The following EP400 variants were observed in gnomAD, a reference collection of about 807,000 sequenced individuals.
EP400 encodes E1A binding protein p400.
Under a neutral mutation model 354.1 loss-of-function variants are expected in EP400, and 105 were observed. The observed-to-expected ratio is 0.30, with a 90% CI of 0.25 to 0.35. The LOEUF is 0.35. Among genes scored for constraint, EP400 ranks in the 10% least tolerant of loss-of-function variants. EP400 has a pLI of 1.00. For missense variants in EP400, 3,280 were observed against 4,121.0 expected (o/e 0.80, Z 5.59); for synonymous variants, 1,646 against 1,716.9 (o/e 0.96, Z 1.02).
Position 132,029,543 on chromosome 12 carries a change from C to G in EP400, c.5382-158C>G. The G allele has an allele frequency of 4.0e-6, 3 of 758,786 alleles. No homozygotes were observed. Among genetic ancestry groups the G allele is most frequent in the Non-Finnish European group, 4.2e-6 (2 of 470,772 alleles). 47.0% of individuals were successfully genotyped at this position (758,786 alleles called of 1,614,324 possible). ...TAGGATCTGCCTCGTTGGGCCCCTG[C>G]CCGTGTGCCAACACCCACATCCCCA... On this transcript the variant is annotated intron_variant, in intron 27 of 52. Coordinates refer to ENST00000389561, the MANE Select transcript of EP400 (RefSeq NM_015409.5). This position sits in a 1 kb window ranked among gnomAD's most constrained non-coding sequence, Gnocchi z 4.7.
rs145228688 is a variant in EP400, at chr12:132,052,571, C to T, written c.7395-575C>T. Among the ~76,000 whole-genome samples the T allele has an allele frequency of 2.0e-5, 3 of 152,376 alleles. No homozygotes were observed. Among genetic ancestry groups the T allele is most frequent in the South Asian group, 4.1e-4 (2 of 4,834 alleles). Reference sequence around the variant, plus strand: ...CCAGTACGTCTTCAGACCCACTGCACATTTTACCTGTTTGTCGTCTGATGT... The same window carrying T: ...CCAGTACGTCTTCAGACCCACTGCATATTTTACCTGTTTGTCGTCTGATGT... On this transcript the variant is annotated intron_variant, in intron 41 of 52. Transcript: ENST00000389561. The surrounding 1 kb of genome is among the most constrained non-coding windows in gnomAD (Gnocchi z 4.4).
At chr12:132,024,839 C>T (rs1894247666) in intron 24 of EP400, among the ~76,000 whole-genome samples, 1 of 151,640 alleles carries the variant, frequency 6.6e-6, no homozygotes, top group Admixed American at 6.6e-5. Flanking sequence ...GGCACCTTCC[C>T]CCACCTTCCC....
At chr12:132,066,675 G>A in intron 48 of EP400, 99 bp from the exon 49 acceptor site, 1 of 1,282,818 alleles carries the variant, frequency 7.8e-7, no homozygotes, top group Non-Finnish European at 1.1e-6. Context: ...GTTGATCTTT[G>A]TAAATTTTCT....
At chr12:131,967,525 T>C (rs1892143122) in intron 2 of EP400, among the ~76,000 whole-genome samples, 1 of 150,680 alleles carries the variant, frequency 6.6e-6, no homozygotes. Context: ...CCATCTCTAC[T>C]TAAAAAAAAA....
chr12:132,069,721 G>A lies in EP400; in HGVS notation c.9021+80G>A, dbSNP rs1593389469. The A allele has an allele frequency of 1.0e-5, 16 of 1,575,036 alleles. No homozygotes were observed. In the East Asian group the frequency reaches 2.0e-4, roughly 20 times the overall value. ...GGATTGTGTGTCTCGCGGGCTTTGC[G>A]AGCTCCCAGCCCTTGCGGCTGCACT... On this transcript the variant is annotated intron_variant, in intron 51 of 52. Transcript: ENST00000389561.
At chr12:132,058,783 A>G (rs1020248966) in intron 45 of EP400, among the ~76,000 whole-genome samples, 3 of 144,138 alleles carry the variant, frequency 2.1e-5, no homozygotes, top group African/African-American at 8.0e-5. Context: ...GAGAAAAACG[A>G]TTTCTTCCTT....
rs763675259 is a variant in EP400, at chr12:132,021,029, T to C, written c.4448-50T>C. 6 of 1,506,036 alleles carry C rather than the reference T, an allele frequency of 4.0e-6. No homozygotes were observed. The East Asian group carries it at 1.4e-4, about 36-fold the overall frequency. 93.3% of individuals were successfully genotyped at this position (1,506,036 alleles called of 1,614,324 possible). A position where few individuals can be genotyped will look rare whatever the true frequency, so the allele number is the denominator to read the frequency against. On this transcript the variant is annotated intron_variant, in intron 22 of 52. Transcript: ENST00000389561. ...AAAATTCAGTTTAAAATATTGTATT[T>C]TATTAAGAACCTCTAACAGCTTTGC...
At position 132,077,436 on chromosome 12, in the gene EP400, G is replaced by A. The variant is rs531958361; in HGVS notation, c.9135G>A (p.Thr3045=). 7.9e-5 allele frequency: 128 copies of A among 1,612,786 alleles called. No individual in the cohort carries two copies. In the East Asian group the frequency reaches 1.3e-3, roughly 16 times the overall value. ...AGACTGTGGCGCTCACGCAGGCGAC[G>A]GCGGCCGGGCAGCAGGTGCAGATGA... is the stretch of plus-strand genomic sequence containing the variant. ...SPQTVALTQA[T]AAGQQVQMIP... Residue 3045 remains threonine (T), a synonymous_variant, in exon 53 of 53, where the codon ACG becomes ACA. Coordinates refer to ENST00000389561, the MANE Select transcript of EP400 (RefSeq NM_015409.5).
intron 6 of EP400, 99 bp from the exon 7 acceptor site, chr12:131,987,604 CTG>C (rs1364475293): frequency 2.0e-6 from 2 of 998,036 alleles, no homozygotes; most frequent in East Asian, 5.4e-5. Context: ...TAGTGCCTGA[CTG>C]AGCCTTTTGC....
At position 132,020,238 on chromosome 12, in the gene EP400, C is replaced by G. The variant is rs1894080954; in HGVS notation, c.4447+20C>G. 2 of 1,578,552 alleles carry G rather than the reference C, an allele frequency of 1.3e-6. No homozygotes were observed. Among genetic ancestry groups the G allele is most frequent in the African/African-American group, 2.7e-5 (2 of 73,642 alleles). Reference sequence around the variant, plus strand: ...CAAAAGGTAGACTTCACGTAGTTGTCTGCTCTCCGCCTTATGGAGGTTTTT... The same window carrying G: ...CAAAAGGTAGACTTCACGTAGTTGTGTGCTCTCCGCCTTATGGAGGTTTTT... On this transcript the variant is annotated intron_variant, in intron 22 of 52. Transcript: ENST00000389561.
chr12:132,065,145 AG>A, intron 48 of EP400: 1 of 633,526 alleles, frequency 1.6e-6, no homozygotes, highest in East Asian at 2.9e-5. Flanking sequence ...AGAGTGAGCG[AG>A]GTGAGATGCA....
chr12:132,021,892 G>A (rs1030087604), intron 23 of EP400, among the ~76,000 whole-genome samples: 2 of 152,084 alleles, frequency 1.3e-5, no homozygotes, highest in African/African-American at 4.8e-5. Context: ...GTGTCCAGTG[G>A]GATTAGTATG....
chr12:132,044,598 A>C, intron 35 of EP400, 73 bp from the exon 36 acceptor site: 1 of 1,556,604 alleles, frequency 6.4e-7, no homozygotes, highest in African/African-American at 1.4e-5. Flanking sequence ...ATGAGTATGA[A>C]GGTACATGAT....
rs1894345224 is a variant in EP400, at chr12:132,027,460, G to A, written c.5038G>A (p.Val1680Met). Reference protein sequence around the residue: ...PQVGVPGRVAVNALAVGEPGT... With the variant: ...PQVGVPGRVAMNALAVGEPGT... ...AGTTGGCGTTCCGGGCCGCGTGGCG[G>A]TGAATGCCTTGGCTGTAGGAGAACC... The change falls in exon 26 of 53, where the codon GTG becomes ATG. Residue 1680 changes from valine (V) to methionine (M), a missense_variant. Around this residue, in one of 20 missense-constraint regions of EP400, gnomAD observed 459 missense variants for 496.9 expected, o/e 0.92. Coordinates refer to ENST00000389561, the MANE Select transcript of EP400 (RefSeq NM_015409.5). This position sits in a 1 kb window ranked among gnomAD's most constrained non-coding sequence, Gnocchi z 4.9. 2 of 1,613,984 alleles carry A rather than the reference G, an allele frequency of 1.2e-6. No individual in the cohort carries two copies. The highest frequency in any genetic ancestry group is 3.3e-5 in the Admixed American group (2 of 60,008).
At chr12:131,986,836 G>A (rs371170798) in intron 6 of EP400, 29 bp downstream of exon 6, 13 of 1,570,420 alleles carry the variant, frequency 8.3e-6, no homozygotes, top group East Asian at 2.3e-5. Context: ...GTTGTAAAAT[G>A]TACTCCAGTT....
intron 32 of EP400, among the ~76,000 whole-genome samples, chr12:132,039,083 C>T (rs1894809532): frequency 1.3e-5 from 2 of 152,100 alleles, no homozygotes; most frequent in South Asian, 4.2e-4. Flanking sequence ...ATTGAGCCTC[C>T]CAGCCTCATG....
rs902398531 is a variant in EP400 at position 131,994,734 on chromosome 12, G to C, written c.2738-133G>C. The C allele has an allele frequency of 1.5e-6, 1 of 645,688 alleles. No homozygotes were observed. Among genetic ancestry groups the C allele is most frequent in the African/African-American group, 1.9e-5 (1 of 53,322 alleles). 40.0% of individuals were successfully genotyped at this position (645,688 alleles called of 1,614,324 possible). ...CTGCCCATTTAATTAAATTTAACCT[G>C]AGAAGTTTAAAAGCTCAGTTTCAAT... On this transcript the variant is annotated intron_variant, in intron 11 of 52. Transcript: ENST00000389561. The surrounding 1 kb of genome is among the most constrained non-coding windows in gnomAD (Gnocchi z 4.6).
chr12:132,005,316 C>T (rs1893545367), intron 13 of EP400, 132 bp downstream of exon 13: 2 of 565,166 alleles, frequency 3.5e-6, no homozygotes, highest in East Asian at 6.5e-5. Flanking sequence ...TAATAAGTAT[C>T]TTTATATTGA....
chr12:132,048,413 C>G (rs914511861), intron 39 of EP400, among the ~76,000 whole-genome samples: 3 of 152,156 alleles, frequency 2.0e-5, no homozygotes, highest in African/African-American at 7.2e-5. Flanking sequence ...GCCAGTCCCT[C>G]TGTTCGGGGT....
Sources: gnomAD v4.1 joint callset for allele counts (sites outside exome capture counted in the v4.1 genomes callset) on GRCh38, gnomAD v4.1.1 for gene constraint, gnomAD v4.1.1 regional missense constraint, Gnocchi (gnomAD v3.1) non-coding constraint, MANE v1.5 for transcripts, NCBI Gene and HGNC (gene_info 2026-07-23, HGNC 2026-07-21) for gene names.